TCF12: variants seen among roughly 807,000 people sequenced by gnomAD.
The protein encoded by TCF12 is DNA-binding protein HTF4.
A neutral mutation model predicts 86.0 loss-of-function variants in TCF12; 45 were observed. That is an observed-to-expected ratio of 0.52 (90% CI 0.41 to 0.67). TCF12 has a LOEUF of 0.67. TCF12 is among the 30% of genes least tolerant of loss of function. The pLI, the probability that TCF12 is intolerant of heterozygous loss-of-function variation, is 0.00. For missense variants in TCF12, 881 were observed against 859.9 expected, an observed-to-expected ratio of 1.02 and a Z score of -0.31; for synonymous variants, 330 against 299.6, an observed-to-expected ratio of 1.10 and a Z score of -1.05.
chr15:57,118,937 A>G (rs1280068015), intron 5 of TCF12, among the ~76,000 whole-genome samples: 1 of 152,146 alleles, frequency 6.6e-6, no homozygotes, highest in African/African-American at 2.4e-5. Flanking sequence ...CAAAGCTAAC[A>G]TTTTTTTCCT....
intron 8 of TCF12, among the ~76,000 whole-genome samples, chr15:57,228,967 C>T (rs188363457): frequency 6.6e-6 from 1 of 152,076 alleles, no homozygotes; most frequent in Non-Finnish European, 1.5e-5. Context: ...ATATTTCATA[C>T]TTACATATCA....
intron 4 of TCF12, among the ~76,000 whole-genome samples, chr15:57,072,918 C>G (rs2069534396): frequency 6.6e-6 from 1 of 152,156 alleles, no homozygotes. Flanking sequence ...TAAATTATAA[C>G]CTAAATGTTT....
intron 8 of TCF12, among the ~76,000 whole-genome samples, chr15:57,220,715 A>G (rs1239823338): frequency 6.6e-6 from 1 of 152,138 alleles, no homozygotes. Flanking sequence ...AAAAGAGTAA[A>G]CTCGGAAAGT....
chr15:57,209,935 T>G (rs896279294), intron 8 of TCF12, among the ~76,000 whole-genome samples: 1 of 152,170 alleles, frequency 6.6e-6, no homozygotes, highest in Non-Finnish European at 1.5e-5. Flanking sequence ...GAACACACTT[T>G]CCCTCGTATC....
intron 8 of TCF12, among the ~76,000 whole-genome samples, chr15:57,220,697 C>G (rs1375029259): frequency 6.6e-6 from 1 of 150,388 alleles, no homozygotes; most frequent in Non-Finnish European, 1.5e-5. Context: ...TTTATATATT[C>G]TAAAAAAAAA....
chr15:57,258,756 A>G (rs1567001718), intron 16 of TCF12, among the ~76,000 whole-genome samples: 2 of 152,196 alleles, frequency 1.3e-5, no homozygotes, highest in African/African-American at 2.4e-5. Context: ...ACCCTATATA[A>G]TGATTTAAAA....
chr15:57,245,800 C>G (rs1472737638), intron 13 of TCF12, among the ~76,000 whole-genome samples: 3 of 152,084 alleles, frequency 2.0e-5, no homozygotes, highest in African/African-American at 4.8e-5. Flanking sequence ...TGTAATGAAG[C>G]CTTCTTTTTA....
chr15:56,928,350 T>C (rs1321504078), intron 3 of TCF12, among the ~76,000 whole-genome samples: 1 of 152,150 alleles, frequency 6.6e-6, no homozygotes, highest in Non-Finnish European at 1.5e-5. Flanking sequence ...GTGATTATAT[T>C]AGAAATCATT....
intron 8 of TCF12, among the ~76,000 whole-genome samples, chr15:57,216,297 A>G (rs1192577973): frequency 6.6e-6 from 1 of 152,134 alleles, no homozygotes; most frequent in East Asian, 1.9e-4. Flanking sequence ...GTGTACAATG[A>G]TTCCTATCTT....
chr15:56,950,340 C>T (rs534350145), intron 3 of TCF12, among the ~76,000 whole-genome samples: 249 of 152,258 alleles, frequency 1.6e-3, no homozygotes, highest in African/African-American at 5.8e-3. Context: ...ATTATCCTGC[C>T]TTAGCCTCCT....
At chr15:57,056,597 C>G (rs1422778482) in intron 3 of TCF12, among the ~76,000 whole-genome samples, 9 of 152,140 alleles carry the variant, frequency 5.9e-5, no homozygotes, top group African/African-American at 2.2e-4. Flanking sequence ...GTAGCTGGGA[C>G]TACAGGAGCA....
chr15:56,979,032 G>GTTAT (rs1206436264), intron 3 of TCF12, among the ~76,000 whole-genome samples: 4 of 152,304 alleles, frequency 2.6e-5, no homozygotes, highest in African/African-American at 9.6e-5. Flanking sequence ...TATCACTTGA[G>GTTAT]TTATTTAGTC....
intron 3 of TCF12, among the ~76,000 whole-genome samples, chr15:57,035,958 G>C (rs1026048718): frequency 1.3e-5 from 2 of 152,200 alleles, no homozygotes; most frequent in African/African-American, 4.8e-5. Flanking sequence ...AACTGTACGT[G>C]TGGGGGGATC....
intron 3 of TCF12, among the ~76,000 whole-genome samples, chr15:56,990,030 TCTTA>T (rs1203943792): frequency 2.6e-5 from 4 of 152,162 alleles, no homozygotes; most frequent in African/African-American, 4.8e-5. Flanking sequence ...AAATGAAATG[TCTTA>T]CTTTTTCTTG....
chr15:57,161,794 C>G (rs1372659452), intron 5 of TCF12, among the ~76,000 whole-genome samples: 1 of 152,126 alleles, frequency 6.6e-6, no homozygotes, highest in African/African-American at 2.4e-5. Flanking sequence ...TAGATATTTT[C>G]ATATCATAAT....
chr15:57,172,558 A>G lies in TCF12; in HGVS notation c.390+6092A>G, dbSNP rs570507088. 2.0e-5 allele frequency among the ~76,000 whole-genome samples: 3 copies of G among 152,268 alleles called. No homozygotes were observed. In the East Asian group the frequency reaches 5.8e-4, roughly 29 times the overall value. ...AGAGTATGTTCTCTGGACACAAAAGACTTAAATAAAAACTCTGATGAGAAC... is the reference window on the plus strand; with the variant it reads ...AGAGTATGTTCTCTGGACACAAAAGGCTTAAATAAAAACTCTGATGAGAAC... On this transcript the variant is annotated intron_variant, in intron 6 of 20. Coordinates refer to ENST00000333725, the MANE Select transcript of TCF12 (RefSeq NM_207037.2).
At chr15:57,181,322 T>C (rs1265307001) in intron 6 of TCF12, among the ~76,000 whole-genome samples, 1 of 152,014 alleles carries the variant, frequency 6.6e-6, no homozygotes, top group Non-Finnish European at 1.5e-5. Context: ...ACTCCGAGGC[T>C]TAAGCAGTCC....
chr15:57,164,171 C>A (rs2054696366), intron 5 of TCF12, among the ~76,000 whole-genome samples: 1 of 152,110 alleles, frequency 6.6e-6, no homozygotes, highest in African/African-American at 2.4e-5. Flanking sequence ...TGAGTGAGTA[C>A]CCTACTGTTA....
chr15:57,064,077 T>G (rs1461195567), intron 4 of TCF12, among the ~76,000 whole-genome samples: 1 of 152,198 alleles, frequency 6.6e-6, no homozygotes, highest in Non-Finnish European at 1.5e-5. Context: ...CTAAAGAGCT[T>G]AGAATGCATA....
Sources: gnomAD v4.1 joint callset for allele counts (sites outside exome capture counted in the v4.1 genomes callset) on GRCh38, gnomAD v4.1.1 for gene constraint, MANE v1.5 for transcripts, NCBI Gene and HGNC (gene_info 2026-07-23, HGNC 2026-07-21) for gene names.